Variants in LDB2 observed in about 807,000 individuals in gnomAD.
LDB2 encodes the protein LIM domain-binding protein 2.
LDB2 carries 12 observed loss-of-function variants against 44.3 expected under a neutral mutation model. The observed-to-expected ratio is 0.27, with a 90% confidence interval of 0.17 to 0.44. The LOEUF (loss-of-function observed/expected upper bound fraction) is 0.44, where lower values mean the gene tolerates loss of function less well. Ranked by LOEUF, LDB2 falls within the 20% of genes least tolerant of loss-of-function variation. The pLI, the probability that LDB2 is intolerant of heterozygous loss-of-function variation, is 1.00. For synonymous variants in LDB2, 164 were observed against 174.8 expected, an observed-to-expected ratio of 0.94 and a Z score of 0.49; for missense variants, 344 against 473.5, an observed-to-expected ratio of 0.73 and a Z score of 2.54.
chr4:16,821,331 G>A (rs938836040), intron 1 of LDB2, among the ~76,000 whole-genome samples: 1 of 151,846 alleles, frequency 6.6e-6, no homozygotes, highest in Non-Finnish European at 1.5e-5. Context: ...GTAGAAAAGA[G>A]CTCATAGCCT....
At chr4:16,718,611 T>G (rs568937997) in intron 2 of LDB2, among the ~76,000 whole-genome samples, 1 of 152,250 alleles carries the variant, frequency 6.6e-6, no homozygotes, top group South Asian at 2.1e-4. Flanking sequence ...CCTTGAGATA[T>G]TTCTCCAAAA....
chr4:16,555,326 G>A (rs368260024), intron 5 of LDB2, among the ~76,000 whole-genome samples: 8 of 152,268 alleles, frequency 5.3e-5, no homozygotes, highest in East Asian at 3.9e-4. Flanking sequence ...AAAGAACTGC[G>A]TTACTATGGG....
intron 2 of LDB2, among the ~76,000 whole-genome samples, chr4:16,620,400 A>G (rs1292038387): frequency 1.3e-5 from 2 of 152,234 alleles, no homozygotes; most frequent in African/African-American, 2.4e-5. Flanking sequence ...AGATGCTTAG[A>G]TGTGGGAAAC....
intron 1 of LDB2, among the ~76,000 whole-genome samples, chr4:16,863,367 A>G (rs1713400220): frequency 6.6e-6 from 1 of 152,190 alleles, no homozygotes; most frequent in Non-Finnish European, 1.5e-5. Context: ...CCCCACATTC[A>G]GGTATTTGTA....
intron 2 of LDB2, among the ~76,000 whole-genome samples, chr4:16,725,417 A>T (rs1398264810): frequency 6.6e-6 from 1 of 152,116 alleles, no homozygotes; most frequent in Non-Finnish European, 1.5e-5. Flanking sequence ...CCTTATCTGC[A>T]ATAAACAACC....
intron 1 of LDB2, among the ~76,000 whole-genome samples, chr4:16,863,272 T>C (rs547554721): frequency 2.7e-4 from 41 of 152,280 alleles, no homozygotes; most frequent in African/African-American, 9.9e-4. Context: ...GTTTACCATG[T>C]TTTCTGCAAT....
In LDB2 at chr4:16,682,945, G is replaced by A. The variant is rs574409018; in HGVS notation, c.235+76213C>T. ...CATCCCACTTTCATTTTGACATACA[G>A]GATTTTTCTACCAAAGACATGTAAC... On this transcript the variant is annotated intron_variant, in intron 2 of 7. Transcript: ENST00000304523. Among the ~76,000 whole-genome samples, 20 of 152,234 alleles carry A rather than the reference G, an allele frequency of 1.3e-4. No homozygotes were observed. The Middle Eastern group carries it at 0.014, about 104-fold the overall frequency.
chr4:16,660,953 G>A (rs537571351), intron 2 of LDB2, among the ~76,000 whole-genome samples: 2 of 152,286 alleles, frequency 1.3e-5, no homozygotes, highest in South Asian at 4.1e-4. Context: ...CGGACTAATA[G>A]GGAATACGTT....
chr4:16,861,871 C>T (rs373594552), intron 1 of LDB2, among the ~76,000 whole-genome samples: 6 of 152,170 alleles, frequency 3.9e-5, no homozygotes, highest in African/African-American at 9.7e-5. Flanking sequence ...TTCATCCTCC[C>T]GAACCTATAC....
intron 5 of LDB2, among the ~76,000 whole-genome samples, chr4:16,564,055 C>T (rs577716428): frequency 8.5e-5 from 13 of 152,212 alleles, no homozygotes; most frequent in Non-Finnish European, 2.9e-5. Flanking sequence ...TCCCCTCCCT[C>T]ATTCTCCTTT....
intron 1 of LDB2, among the ~76,000 whole-genome samples, chr4:16,869,538 A>T (rs1276243468): frequency 1.3e-5 from 2 of 152,194 alleles, no homozygotes; most frequent in Non-Finnish European, 2.9e-5. Context: ...AGTTACTGCT[A>T]CTATCAACGT....
At chr4:16,566,901 T>C (rs1306339422) in intron 5 of LDB2, among the ~76,000 whole-genome samples, 1 of 152,068 alleles carries the variant, frequency 6.6e-6, no homozygotes. Context: ...ATAATAAATA[T>C]CTCCTGTCAT....
intron 7 of LDB2, chr4:16,506,076 TGTGGTCATA>T: frequency 7.2e-7 from 1 of 1,386,586 alleles, no homozygotes; most frequent in South Asian, 1.4e-5. Context: ...AGACCACAGC[TGTGGTCATA>T]GTGGCACATG....
At chr4:16,512,912 T>C (rs1398586285) in intron 5 of LDB2, among the ~76,000 whole-genome samples, 2 of 152,164 alleles carry the variant, frequency 1.3e-5, no homozygotes, top group Non-Finnish European at 2.9e-5. Context: ...CCGAATTCCT[T>C]CTCAATTGGA....
intron 1 of LDB2, among the ~76,000 whole-genome samples, chr4:16,896,061 T>C (rs919241574): frequency 1.3e-5 from 2 of 152,194 alleles, no homozygotes; most frequent in Non-Finnish European, 2.9e-5. Context: ...TGAATAATTA[T>C]TTGAAAAATT....
At chr4:16,840,434 G>A (rs918634511) in intron 1 of LDB2, among the ~76,000 whole-genome samples, 4 of 152,082 alleles carry the variant, frequency 2.6e-5, no homozygotes, top group Non-Finnish European at 4.4e-5. Context: ...CCAGCCACTG[G>A]CCATTTATTC....
At chr4:16,805,858 A>G (rs1199407487) in intron 1 of LDB2, among the ~76,000 whole-genome samples, 2 of 152,178 alleles carry the variant, frequency 1.3e-5, no homozygotes, top group Non-Finnish European at 2.9e-5. Flanking sequence ...TGGCTTGCAC[A>G]TGCTGATTTC....
chr4:16,741,419 C>T (rs1008938111), intron 2 of LDB2: 7 of 152,198 alleles, frequency 4.6e-5, no homozygotes, highest in Non-Finnish European at 7.3e-5. Flanking sequence ...GATGACCACG[C>T]GCTATGAAAG....
At chr4:16,758,612 G>T (rs932315000) in intron 2 of LDB2, among the ~76,000 whole-genome samples, 3 of 152,110 alleles carry the variant, frequency 2.0e-5, no homozygotes, top group Non-Finnish European at 4.4e-5. Flanking sequence ...GTTATCACTC[G>T]CCTGAAAGAC....
Sources: gnomAD v4.1 joint callset for allele counts (sites outside exome capture counted in the v4.1 genomes callset) on GRCh38, gnomAD v4.1.1 for gene constraint, MANE v1.5 for transcripts, NCBI Gene and HGNC (gene_info 2026-07-23, HGNC 2026-07-21) for gene names.